DDX6: variants seen among roughly 807,000 people sequenced by gnomAD.
The protein encoded by DDX6 is DEAD-box helicase 6.
Under a neutral mutation model 60.6 loss-of-function variants are expected in DDX6, and 7 were observed. That is an observed-to-expected ratio of 0.12 (90% confidence interval 0.07 to 0.22). DDX6 has a LOEUF of 0.22. Among genes scored for constraint, DDX6 ranks in the 10% least tolerant of loss-of-function variants. The probability of loss-of-function intolerance (pLI) is 1.00; values close to 1 mark genes in which losing one functional copy is unlikely to be tolerated. For synonymous variants in DDX6, 207 were observed against 201.0 expected (o/e 1.03, Z -0.25); for missense variants, 270 against 589.9 (o/e 0.46, Z 5.62).
At chr11:118,776,831 C>CA (rs200480268) in intron 4 of DDX6, among the ~76,000 whole-genome samples, 3,206 of 94,300 alleles carry the variant, frequency 0.034, 92 homozygotes, top group East Asian at 0.19. Flanking sequence ...GGCTCTGTCT[C>CA]AAAAAAAAAA....
intron 13 of DDX6, among the ~76,000 whole-genome samples, chr11:118,753,062 CTT>C (rs1281695919): frequency 4.6e-5 from 7 of 152,214 alleles, no homozygotes; most frequent in African/African-American, 1.7e-4. Flanking sequence ...GAGTTTCACT[CTT>C]ATCGCCCAGG....
intron 6 of DDX6, 26 bp downstream of exon 6, chr11:118,765,183 A>G (rs1555161053): frequency 1.2e-6 from 2 of 1,610,018 alleles, no homozygotes; most frequent in African/African-American, 1.3e-5. Context: ...AGAGAGCTAC[A>G]CTACCTTTTA....
chr11:118,772,145 T>C (rs1861555266), intron 4 of DDX6, among the ~76,000 whole-genome samples: 1 of 152,132 alleles, frequency 6.6e-6, no homozygotes, highest in South Asian at 2.1e-4. Context: ...AAATCACAAG[T>C]TAGGTTTTTC....
intron 1 of DDX6, chr11:118,789,124 G>A (rs1234301585): frequency 1.4e-5 from 2 of 140,098 alleles, no homozygotes; most frequent in Non-Finnish European, 3.0e-5. Context: ...CGCCCAGGTT[G>A]GAGTGCAGTG....
rs1555159832 is a variant in DDX6, at chr11:118,760,059, A to C, written c.742-15T>G. 1 of 1,608,212 alleles carries C rather than the reference A, an allele frequency of 6.2e-7. No individual in the cohort carries two copies. The highest frequency in any genetic ancestry group is 8.5e-7 in the Non-Finnish European group (1 of 1,178,374). On this transcript the variant is annotated splice_polypyrimidine_tract_variant and intron_variant, in intron 7 of 13. Coordinates refer to ENST00000534980, the MANE Select transcript of DDX6 (RefSeq NM_004397.6). ...AACTTATCTGCCTGCAGTAGAAAGAAAAGACAATTTTAAAAACAATAAAAT... is the reference window on the plus strand; with the variant it reads ...AACTTATCTGCCTGCAGTAGAAAGACAAGACAATTTTAAAAACAATAAAAT...
intron 8 of DDX6, chr11:118,759,109 G>C (rs1861078528): frequency 5.5e-6 from 3 of 542,578 alleles, no homozygotes; most frequent in Non-Finnish European, 9.3e-6. Context: ...ACCCAGGCTG[G>C]AGTGTAGTGG....
chr11:118,756,194 G>T, intron 11 of DDX6, 66 bp downstream of exon 11: 4 of 1,318,278 alleles, frequency 3.0e-6, no homozygotes, highest in South Asian at 1.2e-5. Flanking sequence ...TATGTAATAT[G>T]AACAGAGAAA....
chr11:118,756,094 C>A (rs1860967369), intron 11 of DDX6, among the ~76,000 whole-genome samples, 166 bp downstream of exon 11: 1 of 137,616 alleles, frequency 7.3e-6, no homozygotes, highest in Non-Finnish European at 1.5e-5. Flanking sequence ...GATATGGAAC[C>A]CAGTATCAGG....
intron 2 of DDX6, among the ~76,000 whole-genome samples, chr11:118,782,504 CAG>C (rs1424755617): frequency 6.6e-6 from 1 of 152,000 alleles, no homozygotes; most frequent in African/African-American, 2.4e-5. Context: ...CTTACATAAC[CAG>C]AGTCCCCAAA....
intron 7 of DDX6, 85 bp downstream of exon 7, chr11:118,763,127 A>G: frequency 1.2e-6 from 1 of 845,748 alleles, no homozygotes; most frequent in South Asian, 1.8e-5. Context: ...CATAAACACA[A>G]GCAGCTTTTG....
chr11:118,748,302 A>T lies in DDX6; in HGVS notation c.*3803T>A, dbSNP rs1216888514. ...CCCTCTGACCTCATGAACTGTGACA[A>T]CCTTTGGACACTTAACTCTTTACCC... is the stretch of plus-strand genomic sequence containing the variant. On this transcript the variant is annotated 3_prime_UTR_variant, in exon 14 of 14. Transcript: ENST00000534980. 1 of 152,160 alleles carries T rather than the reference A, an allele frequency of 6.6e-6. No individual in the cohort carries two copies. The highest frequency in any genetic ancestry group is 6.5e-5 in the Admixed American group (1 of 15,268). The allele number at this position is 152,160 out of a possible 1,614,324, so 9.4% of individuals were successfully genotyped here.
intron 4 of DDX6, among the ~76,000 whole-genome samples, chr11:118,771,520 C>G (rs1591908801): frequency 6.6e-6 from 1 of 152,128 alleles, no homozygotes; most frequent in Admixed American, 6.6e-5. Flanking sequence ...CTGCCTCTTA[C>G]CAGTGTTTCT....
intron 9 of DDX6, among the ~76,000 whole-genome samples, chr11:118,757,962 G>A (rs145484652): frequency 2.0e-4 from 31 of 152,140 alleles, no homozygotes; most frequent in African/African-American, 7.2e-4. Flanking sequence ...CCATGTGTAG[G>A]GGCCAATTAA....
rs368451285 is a variant in DDX6, at chr11:118,768,251, C to A, written c.471G>T (p.Arg157=). 19 of 1,613,778 alleles carry A rather than the reference C, an allele frequency of 1.2e-5. No homozygotes were observed. Among genetic ancestry groups the A allele is most frequent in the Non-Finnish European group, 1.6e-5 (19 of 1,179,846 alleles). The part of the protein sequence containing the change: ...SGAYLIPLLE[R]LDLKKDNIQA... ...GTATATTGTCCTTCTTCAGGTCTAG[C>A]CGTTCAAGTAAGGGAATGAGGTAGG... Residue 157 remains arginine, a synonymous_variant, in exon 5 of 14, where the codon CGG becomes CGT. Transcript: ENST00000534980.
intron 5 of DDX6, among the ~76,000 whole-genome samples, chr11:118,767,074 A>T (rs1861379105): frequency 6.6e-6 from 1 of 151,676 alleles, no homozygotes; most frequent in African/African-American, 2.4e-5. Context: ...TTTAGTAGAG[A>T]CAGGGTTTTA....
At chr11:118,756,738 C>T (rs1555159039) in intron 10 of DDX6, among the ~76,000 whole-genome samples, 1 of 152,112 alleles carries the variant, frequency 6.6e-6, no homozygotes, top group Non-Finnish European at 1.5e-5. Flanking sequence ...CTTCCAATTC[C>T]AATACACTAT....
intron 4 of DDX6, among the ~76,000 whole-genome samples, chr11:118,777,247 G>C (rs535318918): frequency 6.6e-6 from 1 of 151,924 alleles, no homozygotes; most frequent in Non-Finnish European, 1.5e-5. Context: ...ACACATGTTG[G>C]CTCAATGAAA....
chr11:118,773,871 A>C (rs1184532687), intron 4 of DDX6, among the ~76,000 whole-genome samples: 1 of 152,040 alleles, frequency 6.6e-6, no homozygotes, highest in Admixed American at 6.6e-5. Flanking sequence ...ACCAAAAAAA[A>C]AAACAAAACA....
intron 13 of DDX6, chr11:118,754,503 C>A: frequency 2.1e-6 from 1 of 468,414 alleles, no homozygotes. Context: ...ACCCGGGAAG[C>A]TGCATTCAAG....
Sources: gnomAD v4.1 joint callset for allele counts (sites outside exome capture counted in the v4.1 genomes callset) on GRCh38, gnomAD v4.1.1 for gene constraint, MANE v1.5 for transcripts, NCBI Gene and HGNC (gene_info 2026-07-23, HGNC 2026-07-21) for gene names.